MAN1C1: variants seen among roughly 807,000 people sequenced by gnomAD.
MAN1C1 encodes the protein mannosyl-oligosaccharide 1,2-alpha-mannosidase IC.
MAN1C1 carries 49 observed loss-of-function variants against 71.5 expected under a neutral mutation model. The observed-to-expected ratio is 0.69, with a 90% confidence interval of 0.54 to 0.87. The LOEUF is 0.87. Ranked by LOEUF, MAN1C1 falls within the 40% of genes least tolerant of loss-of-function variation. The pLI, the probability that MAN1C1 is intolerant of heterozygous loss-of-function variation, is 0.00. For synonymous variants in MAN1C1, 352 were observed against 343.7 expected, an observed-to-expected ratio of 1.02 and a Z score of -0.27; for missense variants, 743 against 835.0, an observed-to-expected ratio of 0.89 and a Z score of 1.36.
intron 2 of MAN1C1, among the ~76,000 whole-genome samples, chr1:25,740,516 A>G (rs553313265): frequency 3.8e-4 from 58 of 152,202 alleles, no homozygotes; most frequent in Non-Finnish European, 6.3e-4. Flanking sequence ...GGCTCACTGC[A>G]AGCTCCGCCT....
chr1:25,755,046 G>A (rs2124358200), intron 5 of MAN1C1, among the ~76,000 whole-genome samples: 1 of 152,308 alleles, frequency 6.6e-6, no homozygotes, highest in Non-Finnish European at 1.5e-5. Context: ...GGCTACTGTT[G>A]TTGCACCTGC....
chr1:25,703,143 G>T (rs757990838), intron 2 of MAN1C1, among the ~76,000 whole-genome samples: 1 of 152,202 alleles, frequency 6.6e-6, no homozygotes, highest in Non-Finnish European at 1.5e-5. Flanking sequence ...ACAGTTAACC[G>T]GGTTAGGATC....
intron 2 of MAN1C1, among the ~76,000 whole-genome samples, chr1:25,719,628 A>G (rs950308432): frequency 6.6e-6 from 1 of 151,328 alleles, no homozygotes; most frequent in Non-Finnish European, 1.5e-5. Context: ...GGGTTTCACA[A>G]TGTTACCCAG....
intron 5 of MAN1C1, among the ~76,000 whole-genome samples, chr1:25,755,419 C>G (rs2047272873): frequency 6.6e-6 from 1 of 152,230 alleles, no homozygotes; most frequent in African/African-American, 2.4e-5. Flanking sequence ...CACAAGCTGG[C>G]CTTTGTCACA....
intron 6 of MAN1C1, among the ~76,000 whole-genome samples, chr1:25,762,323 A>G (rs903877918): frequency 7.9e-5 from 12 of 151,708 alleles, no homozygotes; most frequent in African/African-American, 1.7e-4. Flanking sequence ...CAGTTTCGCC[A>G]TGTTACCCAG....
chr1:25,698,536 C>T (rs761197817), intron 2 of MAN1C1, among the ~76,000 whole-genome samples: 1 of 152,126 alleles, frequency 6.6e-6, no homozygotes, highest in Admixed American at 6.5e-5. Context: ...TGACCCTCCC[C>T]GGCCAGTGAG....
chr1:25,661,345 G>C (rs1005000028), intron 1 of MAN1C1, among the ~76,000 whole-genome samples: 4 of 152,144 alleles, frequency 2.6e-5, no homozygotes, highest in African/African-American at 9.7e-5. Context: ...CAGGCACCAG[G>C]GACACAGCAA....
At chr1:25,670,718 G>C (rs1301620004) in intron 1 of MAN1C1, among the ~76,000 whole-genome samples, 1 of 152,212 alleles carries the variant, frequency 6.6e-6, no homozygotes, top group African/African-American at 2.4e-5. Flanking sequence ...CCAGACCCCA[G>C]CTTCAAACAC....
At chr1:25,733,357 A>G (rs963662607) in intron 2 of MAN1C1, among the ~76,000 whole-genome samples, 1 of 151,922 alleles carries the variant, frequency 6.6e-6, no homozygotes, top group African/African-American at 2.4e-5. Flanking sequence ...CCCCAGGGCC[A>G]TGTGTGATCT....
chr1:25,768,745 CCA>C (rs1307370569), intron 7 of MAN1C1, among the ~76,000 whole-genome samples: 5 of 135,014 alleles, frequency 3.7e-5, no homozygotes, highest in East Asian at 5.0e-4. Flanking sequence ...CCTCACACAC[CCA>C]CAGTCCCCTC....
intron 2 of MAN1C1, among the ~76,000 whole-genome samples, chr1:25,695,595 C>T (rs937358490): frequency 4.0e-5 from 6 of 151,364 alleles, no homozygotes; most frequent in African/African-American, 1.2e-4. Context: ...GCACTCACAC[C>T]GCCGACCGAC....
At chr1:25,719,925 A>T (rs958415590) in intron 2 of MAN1C1, among the ~76,000 whole-genome samples, 6 of 152,006 alleles carry the variant, frequency 3.9e-5, no homozygotes, top group African/African-American at 1.5e-4. Flanking sequence ...CTGGTATTAC[A>T]GGCACCCACC....
At chr1:25,644,941 G>A (rs1419274486) in intron 1 of MAN1C1, 1 of 152,222 alleles carries the variant, frequency 6.6e-6, no homozygotes, top group Non-Finnish European at 1.5e-5. Flanking sequence ...GGGAACACCA[G>A]TGTTTTAAAG....
chr1:25,699,204 G>A (rs2046404875), intron 2 of MAN1C1, among the ~76,000 whole-genome samples: 1 of 151,994 alleles, frequency 6.6e-6, no homozygotes. Context: ...GGAGGCTGAG[G>A]CAGGAGAATC....
intron 1 of MAN1C1, among the ~76,000 whole-genome samples, chr1:25,675,234 G>T (rs1410325580): frequency 6.6e-6 from 1 of 152,052 alleles, no homozygotes; most frequent in Non-Finnish European, 1.5e-5. Flanking sequence ...CTCAACCCCT[G>T]CAGTCTTTCC....
intron 2 of MAN1C1, among the ~76,000 whole-genome samples, chr1:25,691,480 A>C (rs2046308097): frequency 1.3e-5 from 2 of 152,210 alleles, no homozygotes; most frequent in Non-Finnish European, 2.9e-5. Flanking sequence ...CCTTCACAAG[A>C]TTGTTTTGAG....
In MAN1C1 at chr1:25,779,061, C is replaced by T. The variant is rs1372174411; in HGVS notation, c.1477+737C>T. ...GGTTCCACCCCGTGCGCAAACTGCA[C>T]CCCTCAGAAAAATCCCCAGCCCCCG... On this transcript the variant is annotated intron_variant, in intron 9 of 11. Transcript: ENST00000374332. This position sits in a 1 kb window ranked among gnomAD's most constrained non-coding sequence, Gnocchi z 4.6. Among the ~76,000 whole-genome samples, 1 of 152,142 alleles carries T rather than the reference C, an allele frequency of 6.6e-6. No homozygotes were observed. The highest frequency in any genetic ancestry group is 1.9e-4 in the East Asian group (1 of 5,186).
chr1:25,618,423 C>T, intron 1 of MAN1C1, 86 bp downstream of exon 1: 1 of 1,324,630 alleles, frequency 7.5e-7, no homozygotes, highest in Admixed American at 2.5e-5. Flanking sequence ...CTTTCCCTTG[C>T]CTCAGTCACT....
intron 1 of MAN1C1, 91 bp downstream of exon 1, chr1:25,618,428 G>A: frequency 8.0e-7 from 1 of 1,256,910 alleles, no homozygotes; most frequent in Non-Finnish European, 1.1e-6. Context: ...CCTTGCCTCA[G>A]TCACTCCTGG....
Sources: gnomAD v4.1 joint callset for allele counts (sites outside exome capture counted in the v4.1 genomes callset) on GRCh38, gnomAD v4.1.1 for gene constraint, Gnocchi (gnomAD v3.1) non-coding constraint, MANE v1.5 for transcripts, NCBI Gene and HGNC (gene_info 2026-07-23, HGNC 2026-07-21) for gene names.